Variants in FAM178B observed in about 807,000 individuals in gnomAD.
FAM178B encodes the protein family with sequence similarity 178 member B, also known as protein FAM178B.
In FAM178B, 82 loss-of-function variants were observed where a neutral mutation model predicts 91.7. The observed-to-expected ratio is 0.89, with a 90% confidence interval of 0.75 to 1.07. The LOEUF (loss-of-function observed/expected upper bound fraction) is 1.07, where lower values mean the gene tolerates loss of function less well. Among genes scored for constraint, FAM178B ranks in the 50% least tolerant of loss-of-function variants. The probability of loss-of-function intolerance (pLI) is 0.00; values close to 1 mark genes in which losing one functional copy is unlikely to be tolerated. For missense variants in FAM178B, 769 were observed against 846.7 expected (o/e 0.91, Z 1.14); for synonymous variants, 368 against 359.4 (o/e 1.02, Z -0.27).
At chr2:96,877,693 C>T in intron 16 of FAM178B, 197 bp downstream of exon 16, 1 of 603,728 alleles carries the variant, frequency 1.7e-6, no homozygotes, top group Non-Finnish European at 2.9e-6. Flanking sequence ...CCACGCCCAG[C>T]CTTTGGCACT....
chr2:96,876,423 G>A (rs1465371456), intron 16 of FAM178B, 115 bp from the exon 17 acceptor site: 4 of 1,312,670 alleles, frequency 3.0e-6, no homozygotes, highest in Non-Finnish European at 4.2e-6. Flanking sequence ...TCATGCCAGG[G>A]GCCGAGTGAG....
Position 96,875,947 on chromosome 2 carries a change from A to C in FAM178B, c.*329T>G. ...ACATTAGTGACAGGGAGACAGAGGA[A>C]GGAGGGTGGGGAGGACTGAGGCCCA... is the stretch of plus-strand genomic sequence containing the variant. On this transcript the variant is annotated 3_prime_UTR_variant, in exon 17 of 17. Coordinates refer to ENST00000490605, the MANE Select transcript of FAM178B (RefSeq NM_001122646.3). The C allele has an allele frequency of 5.3e-6, 2 of 380,272 alleles. No individual in the cohort carries two copies. The highest frequency in any genetic ancestry group is 4.8e-6 in the Non-Finnish European group (1 of 207,366). 23.6% of individuals were successfully genotyped at this position (380,272 alleles called of 1,614,324 possible).
Position 96,929,572 on chromosome 2 carries a change from A to C in FAM178B, c.1079-252T>G, listed in dbSNP as rs12717785. Among the ~76,000 whole-genome samples the C allele has an allele frequency of 2.6e-5, 4 of 152,290 alleles. No individual in the cohort carries two copies. The East Asian group carries it at 5.8e-4, about 22-fold the overall frequency. The stretch of plus-strand genomic sequence containing the variant: ...AGGTATGGCTGCACTTGGGTCAACC[A>C]CTCCCTGACCATCTGGCCATCCACA... On this transcript the variant is annotated intron_variant, in intron 8 of 16. Transcript: ENST00000490605.
chr2:96,896,415 C>G (rs2080824716), intron 13 of FAM178B, among the ~76,000 whole-genome samples: 1 of 152,180 alleles, frequency 6.6e-6, no homozygotes, highest in Non-Finnish European at 1.5e-5. Context: ...AAACCCCTCT[C>G]CAGGATAAGG....
intron 12 of FAM178B, among the ~76,000 whole-genome samples, chr2:96,909,169 A>C (rs1423507252): frequency 3.3e-5 from 5 of 151,810 alleles, no homozygotes; most frequent in Non-Finnish European, 2.9e-5. Context: ...AAGAAAAAAG[A>C]AAAAAGAAAA....
At chr2:96,967,403 TCACAAATAGTA>T (rs949751559) in intron 5 of FAM178B, 106 bp downstream of exon 5, 5 of 621,280 alleles carry the variant, frequency 8.0e-6, no homozygotes, top group African/African-American at 7.3e-5. Flanking sequence ...GCTTTAGAAT[TCACAAATAGTA>T]CACAAATCAC....
chr2:96,935,341 T>TG (rs1367056815), intron 8 of FAM178B, among the ~76,000 whole-genome samples: 1 of 152,184 alleles, frequency 6.6e-6, no homozygotes, highest in African/African-American at 2.4e-5. Flanking sequence ...GTTCTTAGCA[T>TG]GTGCCTCTCA....
chr2:96,942,986 C>T (rs1161201419), intron 8 of FAM178B, among the ~76,000 whole-genome samples: 1 of 152,064 alleles, frequency 6.6e-6, no homozygotes, highest in Non-Finnish European at 1.5e-5. Flanking sequence ...AAACCACATA[C>T]AAAAATGAAC....
rs528877983 is a variant in FAM178B, at chr2:96,967,832, C to G, written c.627-205G>C. Among the ~76,000 whole-genome samples the G allele has an allele frequency of 2.7e-5, 4 of 149,720 alleles. No homozygotes were observed. In the South Asian group the frequency reaches 8.4e-4, roughly 31 times the overall value. On this transcript the variant is annotated intron_variant, in intron 4 of 16. Transcript: ENST00000490605. ...ATAGACTGTGCTTTCCCCAAATGAG[C>G]AGAGAGGAGCAAGCAGGCCAGAAGA...
Position 96,960,407 on chromosome 2 carries a change from C to G in FAM178B, c.768G>C (p.Gln256His). ...MLVEKYSVSL[Q>H]TIPPVHPGET... ...CACCTGGATGGACCGGCGGGATGGT[C>G]TGCAGGGACACTGAGTACTTTTCCA... The change falls in exon 6 of 17, where the codon CAG becomes CAC. Residue 256 changes from glutamine (Q) to histidine (H), a missense_variant. Coordinates refer to ENST00000490605, the MANE Select transcript of FAM178B (RefSeq NM_001122646.3). The G allele has an allele frequency of 6.4e-7, 1 of 1,551,066 alleles. No individual in the cohort carries two copies. The highest frequency in any genetic ancestry group is 1.2e-5 in the South Asian group (1 of 83,958).
chr2:96,950,835 C>T (rs1407428071), intron 7 of FAM178B, among the ~76,000 whole-genome samples: 1 of 152,176 alleles, frequency 6.6e-6, no homozygotes, highest in Non-Finnish European at 1.5e-5. Flanking sequence ...TACAACTGCA[C>T]ACAGGAAGCA....
intron 1 of FAM178B, among the ~76,000 whole-genome samples, chr2:96,982,890 T>C (rs2082380821): frequency 6.6e-6 from 1 of 151,440 alleles, no homozygotes; most frequent in Non-Finnish European, 1.5e-5. Flanking sequence ...TAATTTATTT[T>C]ATTTTAGAGA....
intron 1 of FAM178B, among the ~76,000 whole-genome samples, chr2:96,982,849 G>C (rs2082380021): frequency 6.6e-6 from 1 of 150,982 alleles, no homozygotes; most frequent in Admixed American, 6.6e-5. Context: ...CAAAGTGCTG[G>C]GATTACAGGC....
chr2:96,900,060 G>T (rs1300706022), intron 13 of FAM178B, among the ~76,000 whole-genome samples: 2 of 151,780 alleles, frequency 1.3e-5, no homozygotes, highest in African/African-American at 4.8e-5. Flanking sequence ...ACAGCTGCTG[G>T]CCAAGAAAAA....
chr2:96,979,602 A>G (rs1432722820), intron 1 of FAM178B, among the ~76,000 whole-genome samples: 4 of 152,150 alleles, frequency 2.6e-5, no homozygotes, highest in Admixed American at 6.6e-5. Context: ...TATGAGTGCA[A>G]GTGTCGTTTT....
intron 8 of FAM178B, among the ~76,000 whole-genome samples, chr2:96,936,375 G>C (rs35256726): frequency 0.48 from 73,100 of 151,122 alleles, 20,904 homozygotes; most frequent in Non-Finnish European, 0.66. Flanking sequence ...CTAAGTTTTT[G>C]TATTTTTAGT....
At chr2:96,955,296 G>A (rs1222785271) in intron 6 of FAM178B, among the ~76,000 whole-genome samples, 1 of 152,148 alleles carries the variant, frequency 6.6e-6, no homozygotes, top group Non-Finnish European at 1.5e-5. Flanking sequence ...AGATCATGAG[G>A]TCAGGAGATC....
intron 5 of FAM178B, among the ~76,000 whole-genome samples, chr2:96,964,890 T>C (rs1184825312): frequency 6.6e-6 from 1 of 152,104 alleles, no homozygotes; most frequent in African/African-American, 2.4e-5. Context: ...ACCTGCTCCA[T>C]CTCCTTTGCC....
At chr2:96,892,705 T>C (rs2080712769) in intron 14 of FAM178B, among the ~76,000 whole-genome samples, 1 of 151,852 alleles carries the variant, frequency 6.6e-6, no homozygotes, top group African/African-American at 2.4e-5. Context: ...CACTCTCCGC[T>C]TAGCCAGACC....
Sources: allele counts gnomAD v4.1 joint callset (sites outside exome capture counted in the v4.1 genomes callset), GRCh38; gene constraint gnomAD v4.1.1; transcripts MANE v1.5; gene names NCBI Gene and HGNC (gene_info 2026-07-23, HGNC 2026-07-21).